CNGB3: variants seen among roughly 807,000 people sequenced by gnomAD.
CNGB3 encodes the protein cyclic nucleotide-gated channel beta-3.
Under a neutral mutation model 92.8 loss-of-function variants are expected in CNGB3, and 86 were observed. That is an observed-to-expected ratio of 0.93 (90% CI 0.78 to 1.11). The LOEUF (loss-of-function observed/expected upper bound fraction) is 1.11. Among genes scored for constraint, CNGB3 ranks in the 50% least tolerant of loss-of-function variants. The probability of loss-of-function intolerance (pLI) is 0.00; values close to 1 mark genes in which losing one functional copy is unlikely to be tolerated. For synonymous variants in CNGB3, 333 were observed against 332.7 expected (o/e 1.00, Z -0.01); for missense variants, 1,026 against 956.8 (o/e 1.07, Z -0.95).
At chr8:86,727,113 G>T (rs577783962) in intron 2 of CNGB3, among the ~76,000 whole-genome samples, 9 of 152,218 alleles carry the variant, frequency 5.9e-5, no homozygotes, top group African/African-American at 1.9e-4. Flanking sequence ...AAAAGATACA[G>T]TTTGAAATAT....
chr8:86,576,362 T>C (rs947643121), intron 17 of CNGB3, among the ~76,000 whole-genome samples: 1 of 152,210 alleles, frequency 6.6e-6, no homozygotes, highest in Non-Finnish European at 1.5e-5. Context: ...TTGCATTTTT[T>C]TGTCTCTGCC....
chr8:86,678,442 T>C (rs1433006642), intron 3 of CNGB3, among the ~76,000 whole-genome samples: 2 of 152,206 alleles, frequency 1.3e-5, no homozygotes. Flanking sequence ...TTGTGCATTA[T>C]GGTATTGTTT....
At position 86,604,104 on chromosome 8, in the gene CNGB3, A is replaced by T; in HGVS notation, c.1770T>A (p.Phe590Leu). ...TATCTTTCAGATACCTGATTTCTCC[A>T]AACACCGACCCAGCTTTCAGAGTAA... ...VLVTLKAGSVFGEISLLAAGG... is the reference protein window; with the variant it reads ...VLVTLKAGSVLGEISLLAAGG... The change falls in exon 15 of 18, where the codon TTT becomes TTA. Residue 590 changes from phenylalanine to leucine, a missense_variant. Phe to Leu is a conservative substitution (Grantham distance 22, BLOSUM62 0). Coordinates refer to ENST00000320005, the MANE Select transcript of CNGB3 (RefSeq NM_019098.5). 3.7e-6 allele frequency: 6 copies of T among 1,610,754 alleles called. No homozygotes were observed. Among genetic ancestry groups the T allele is most frequent in the Non-Finnish European group, 5.1e-6 (6 of 1,176,980 alleles).
At chr8:86,694,602 C>T (rs897567557) in intron 3 of CNGB3, among the ~76,000 whole-genome samples, 20 of 151,182 alleles carry the variant, frequency 1.3e-4, no homozygotes, top group African/African-American at 4.6e-4. Flanking sequence ...CGGGCAGAGA[C>T]GCTCCTCACC....
At chr8:86,732,281 C>G (rs1459010529) in intron 2 of CNGB3, among the ~76,000 whole-genome samples, 2 of 152,194 alleles carry the variant, frequency 1.3e-5, no homozygotes, top group African/African-American at 4.8e-5. Flanking sequence ...ACCCATCACA[C>G]ACATGCTGGG....
chr8:86,575,727 C>T lies in CNGB3; in HGVS notation c.*77G>A. On this transcript the variant is annotated 3_prime_UTR_variant, in exon 18 of 18. Coordinates refer to ENST00000320005, the MANE Select transcript of CNGB3 (RefSeq NM_019098.5). ...CAAGGGTCCCAGCATGTCGTTTCCCCTCGTTAATTTAAGTTACAATCCTAG... is the reference window on the plus strand; with the variant it reads ...CAAGGGTCCCAGCATGTCGTTTCCCTTCGTTAATTTAAGTTACAATCCTAG... 4 of 1,367,124 alleles carry T rather than the reference C, an allele frequency of 2.9e-6. No homozygotes were observed. The highest frequency in any genetic ancestry group is 4.1e-6 in the Non-Finnish European group (4 of 970,176). 84.7% of individuals were successfully genotyped at this position (1,367,124 alleles called of 1,614,324 possible). A position where few individuals can be genotyped will look rare whatever the true frequency, so the allele number is the denominator to read the frequency against.
At chr8:86,664,173 G>A (rs774075013) in intron 6 of CNGB3, among the ~76,000 whole-genome samples, 3 of 152,186 alleles carry the variant, frequency 2.0e-5, no homozygotes, top group Non-Finnish European at 4.4e-5. Context: ...TTTTGGCATA[G>A]CTTTGGCTTT....
chr8:86,697,652 T>C (rs1394524002), intron 3 of CNGB3, among the ~76,000 whole-genome samples: 1 of 152,234 alleles, frequency 6.6e-6, no homozygotes, highest in African/African-American at 2.4e-5. Context: ...TATTTAATTG[T>C]TTATTATACT....
intron 3 of CNGB3, chr8:86,704,023 G>A (rs964344431): frequency 3.9e-5 from 6 of 152,172 alleles, no homozygotes; most frequent in African/African-American, 1.2e-4. Flanking sequence ...TAGACCTCCT[G>A]TGTAGCTGAA....
intron 3 of CNGB3, among the ~76,000 whole-genome samples, chr8:86,685,455 C>T (rs111813106): frequency 2.2e-3 from 337 of 152,194 alleles, no homozygotes; most frequent in African/African-American, 7.9e-3. Flanking sequence ...TAAGAGGAGT[C>T]TTGCAATTTT....
At chr8:86,605,330 T>C (rs1272089519) in intron 14 of CNGB3, among the ~76,000 whole-genome samples, 1 of 152,158 alleles carries the variant, frequency 6.6e-6, no homozygotes, top group Non-Finnish European at 1.5e-5. Flanking sequence ...ACAAGAGACC[T>C]AAATGGCACT....
chr8:86,727,130 A>G (rs1825073835), intron 2 of CNGB3, among the ~76,000 whole-genome samples: 1 of 152,190 alleles, frequency 6.6e-6, no homozygotes, highest in African/African-American at 2.4e-5. Flanking sequence ...ATATGTTATT[A>G]TAATCTTATG....
At chr8:86,593,853 G>A (rs1358150670) in intron 15 of CNGB3, 1 of 822,022 alleles carries the variant, frequency 1.2e-6, no homozygotes, top group Non-Finnish European at 2.0e-6. Context: ...TTGAACTCCT[G>A]GACCCCGGGC....
rs77308924 is a variant in CNGB3 at position 86,712,046 on chromosome 8, G to A, written c.338+14485C>T. On this transcript the variant is annotated intron_variant, in intron 3 of 17. Coordinates refer to ENST00000320005, the MANE Select transcript of CNGB3 (RefSeq NM_019098.5). Reference sequence around the variant, plus strand: ...ATCAATTAAAGTACACTGTGCTTCTGGTATTGAATTTTGAAAAAGAGAAAA... The same window carrying A: ...ATCAATTAAAGTACACTGTGCTTCTAGTATTGAATTTTGAAAAAGAGAAAA... Among the ~76,000 whole-genome samples, 1,322 of 151,872 alleles carry A rather than the reference G, an allele frequency of 8.7e-3. 24 individuals are homozygous for A. Among genetic ancestry groups the A allele is most frequent in the African/African-American group, 0.03 (1,262 of 41,448 alleles).
chr8:86,602,583 A>T (rs1174183012), intron 15 of CNGB3, among the ~76,000 whole-genome samples: 1 of 152,190 alleles, frequency 6.6e-6, no homozygotes, highest in African/African-American at 2.4e-5. Context: ...GGAAAGATAT[A>T]GTACTTGGCA....
chr8:86,680,331 ACAGTTGTAAAGTGCT>A, intron 3 of CNGB3, among the ~76,000 whole-genome samples: 1 of 152,212 alleles, frequency 6.6e-6, no homozygotes, highest in Admixed American at 6.5e-5. Context: ...TTTAATGCTC[ACAGTTGTAAAGTGCT>A]CAGAACAGTG....
At chr8:86,711,392 G>A (rs996234679) in intron 3 of CNGB3, among the ~76,000 whole-genome samples, 1 of 152,084 alleles carries the variant, frequency 6.6e-6, no homozygotes, top group African/African-American at 2.4e-5. Context: ...TCCTCACTTT[G>A]CTAGGAACAC....
Position 86,676,874 on chromosome 8 carries a change from C to T in CNGB3, c.339-5776G>A, listed in dbSNP as rs537587803. ...TATCAACTACAAGCCAGTAACGCTG[C>T]CTTTCCTATTTTTGCATCTGCTCAT... On this transcript the variant is annotated intron_variant, in intron 3 of 17. Coordinates refer to ENST00000320005, the MANE Select transcript of CNGB3 (RefSeq NM_019098.5). Among the ~76,000 whole-genome samples the T allele has an allele frequency of 4.6e-5, 7 of 152,300 alleles. No homozygotes were observed. In the East Asian group the frequency reaches 1.3e-3, roughly 29 times the overall value.
intron 12 of CNGB3, among the ~76,000 whole-genome samples, chr8:86,627,092 T>C (rs564826383): frequency 0.011 from 494 of 46,756 alleles, 1 homozygote; most frequent in African/African-American, 0.042. Flanking sequence ...CAAGAGTTTC[T>C]GAGAGTTGAT....
Sources: allele counts gnomAD v4.1 joint callset (sites outside exome capture counted in the v4.1 genomes callset), GRCh38; gene constraint gnomAD v4.1.1; transcripts MANE v1.5; gene names NCBI Gene and HGNC (gene_info 2026-07-23, HGNC 2026-07-21).